Variants in DAP3 observed in about 807,000 individuals in gnomAD.
The protein encoded by DAP3 is death associated protein 3.
In DAP3, 28 loss-of-function variants were observed where a neutral mutation model predicts 51.9. The ratio of observed to expected loss-of-function variants is 0.54; its 90% confidence interval spans 0.40 to 0.74. The LOEUF is 0.74. DAP3 is among the 30% of genes least tolerant of loss of function. The pLI is 0.00. For missense variants in DAP3, 458 were observed against 483.5 expected (o/e 0.95, Z 0.49); for synonymous variants, 170 against 170.3 (o/e 1.00, Z 0.01).
intron 1 of DAP3, among the ~76,000 whole-genome samples, chr1:155,700,521 G>T (rs1209660901): frequency 4.7e-5 from 7 of 148,334 alleles, no homozygotes; most frequent in African/African-American, 1.0e-4. Context: ...AGGTGGGGGG[G>T]GCGGTCAGCC....
At chr1:155,701,881 G>T (rs919101126) in intron 1 of DAP3, among the ~76,000 whole-genome samples, 1 of 150,320 alleles carries the variant, frequency 6.7e-6, no homozygotes, top group South Asian at 2.1e-4. Context: ...TAATTAAATC[G>T]GGAAATAAGT....
At chr1:155,727,489 AAAG>A (rs952133860) in intron 6 of DAP3, 116 bp from the exon 7 acceptor site, 8 of 1,129,286 alleles carry the variant, frequency 7.1e-6, no homozygotes, top group Admixed American at 3.1e-5. Context: ...AAAAAAAAGA[AAAG>A]AAATATATAT....
intron 11 of DAP3, among the ~76,000 whole-genome samples, chr1:155,736,043 A>G (rs780200462): frequency 6.6e-6 from 1 of 151,544 alleles, no homozygotes; most frequent in Non-Finnish European, 1.5e-5. Flanking sequence ...GTTTCACCAT[A>G]TTGGCCAGGC....
chr1:155,731,918 G>A (rs770643396), intron 10 of DAP3, 26 bp from the exon 11 acceptor site: 14 of 1,576,122 alleles, frequency 8.9e-6, no homozygotes, highest in Non-Finnish European at 1.2e-5. Context: ...ACTTTTTCCA[G>A]TTCAGCCTTT....
Position 155,717,093 on chromosome 1 carries a change from C to A in DAP3, c.133C>A (p.Pro45Thr), listed in dbSNP as rs370236932. 2 of 1,614,090 alleles carry A rather than the reference C, an allele frequency of 1.2e-6. No individual in the cohort carries two copies. The highest frequency in any genetic ancestry group is 1.7e-6 in the Non-Finnish European group (2 of 1,180,040). The stretch of plus-strand genomic sequence containing the variant: ...AGATAACCAGGTTCCAGTTGAGAGT[C>A]CGAGAGCTATTTCCCGCACCAATGA... ...HLDNQVPVES[P>T]RAISRTNEND... is the part of the protein sequence containing the mutation. The change falls in exon 3 of 13, where the codon CCG becomes ACG. Residue 45 changes from proline (P) to threonine (T), a missense_variant. Physicochemically the swap from Pro to Thr is conservative, Grantham distance 38. Coordinates refer to ENST00000368336, the MANE Select transcript of DAP3 (RefSeq NM_004632.4).
At chr1:155,729,157 TAAC>T (rs761731075) in intron 8 of DAP3, 35 bp downstream of exon 8, 2 of 1,614,120 alleles carry the variant, frequency 1.2e-6, no homozygotes, top group East Asian at 2.2e-5. Flanking sequence ...TAACATGCGA[TAAC>T]AAGAGAAGGC....
intron 1 of DAP3, chr1:155,689,441 A>T (rs41264955): frequency 1.3e-5 from 6 of 464,468 alleles, no homozygotes; most frequent in Non-Finnish European, 2.2e-5. Flanking sequence ...TTACTCATGG[A>T]TGGTACTTCA....
chr1:155,688,191 G>C (rs188043733), upstream of DAP3: 11 of 1,613,866 alleles, frequency 6.8e-6, no homozygotes, highest in Admixed American at 1.7e-5. Context: ...GGCGGCCAGC[G>C]GGTAAGCCGA....
chr1:155,732,436 G>A (rs1171144105), intron 11 of DAP3, among the ~76,000 whole-genome samples: 1 of 151,826 alleles, frequency 6.6e-6, no homozygotes, highest in Admixed American at 6.6e-5. Context: ...TCACCATGTT[G>A]GCCAGGCTGG....
At chr1:155,703,392 A>G (rs1254833488) in intron 1 of DAP3, among the ~76,000 whole-genome samples, 2 of 152,174 alleles carry the variant, frequency 1.3e-5, no homozygotes, top group Admixed American at 6.5e-5. Context: ...ATCTTGTGAG[A>G]TGTATTCACT....
intron 2 of DAP3, chr1:155,710,673 C>G (rs901524226): frequency 1.3e-5 from 2 of 152,078 alleles, no homozygotes; most frequent in African/African-American, 4.8e-5. Context: ...AACCCATGAA[C>G]GAGATAATAT....
upstream of DAP3, chr1:155,688,717 C>T: frequency 6.6e-7 from 1 of 1,520,754 alleles, no homozygotes; most frequent in Non-Finnish European, 8.8e-7. Flanking sequence ...CCCTCCCTCC[C>T]CGCCCGCACG....
intron 11 of DAP3, among the ~76,000 whole-genome samples, chr1:155,733,704 G>A (rs910258942): frequency 6.6e-6 from 1 of 152,034 alleles, no homozygotes; most frequent in Admixed American, 6.6e-5. Context: ...AGGTGTGGTG[G>A]TGCGTGCCTA....
In DAP3 at chr1:155,726,116, T is replaced by TTC. The variant is rs1658553228; in HGVS notation, c.472+98_472+99insCT. On this transcript the variant is annotated intron_variant, in intron 6 of 12. Transcript: ENST00000368336. ...TAATTTTCTTTTCTTTTCTTTTCTTTTTTTTTTTTTTTTTGAGATGGAGTT... is the reference window on the plus strand; with the variant it reads ...TAATTTTCTTTTCTTTTCTTTTCTTTTCTTTTTTTTTTTTTTGAGATGGAGTT... 5.5e-5 allele frequency: 45 copies of TTC among 812,100 alleles called. No homozygotes were observed. The East Asian group carries it at 1.5e-3, about 27-fold the overall frequency. The allele number at this position is 812,100 out of a possible 1,614,324, so 50.3% of individuals were successfully genotyped here. A position where few individuals can be genotyped will look rare whatever the true frequency, so the allele number is the denominator to read the frequency against.
At chr1:155,730,988 C>T (rs1659177186) in intron 9 of DAP3, among the ~76,000 whole-genome samples, 1 of 151,986 alleles carries the variant, frequency 6.6e-6, no homozygotes, top group African/African-American at 2.4e-5. Flanking sequence ...AAATTGTTGT[C>T]ACCAGGTGCA....
intron 1 of DAP3, among the ~76,000 whole-genome samples, chr1:155,693,166 A>T (rs1472461101): frequency 2.1e-5 from 3 of 141,902 alleles, no homozygotes; most frequent in Non-Finnish European, 4.4e-5. Context: ...AGATGTTTTC[A>T]CATCAAACGT....
upstream of DAP3, chr1:155,688,076 C>G (rs1652791473): frequency 1.3e-6 from 2 of 1,583,138 alleles, no homozygotes; most frequent in South Asian, 2.3e-5. Context: ...CTCACCGTGT[C>G]GGAGGCCGAG....
intron 4 of DAP3, among the ~76,000 whole-genome samples, chr1:155,724,448 A>G (rs933240046): frequency 6.6e-6 from 1 of 151,542 alleles, no homozygotes; most frequent in Admixed American, 6.6e-5. Context: ...AGCCTGACCA[A>G]CATGGTGAAA....
At chr1:155,688,867 G>A (rs1033998477), upstream of DAP3, 28 of 1,606,582 alleles carry the variant, frequency 1.7e-5, no homozygotes, top group Non-Finnish European at 2.3e-5. Context: ...CCGGCAAAGC[G>A]AGTCTGGCTT....
Sources: allele counts gnomAD v4.1 joint callset (sites outside exome capture counted in the v4.1 genomes callset), GRCh38; gene constraint gnomAD v4.1.1; transcripts MANE v1.5; gene names NCBI Gene and HGNC (gene_info 2026-07-23, HGNC 2026-07-21).